The following CSNK2A1 variants were observed in gnomAD, a reference collection of about 807,000 sequenced individuals.
The protein encoded by CSNK2A1 is casein kinase II subunit alpha.
A neutral mutation model predicts 62.9 loss-of-function variants in CSNK2A1; 10 were observed. The ratio of observed to expected loss-of-function variants is 0.16; its 90% CI spans 0.10 to 0.27. The LOEUF is 0.27. Among genes scored for constraint, CSNK2A1 ranks in the 10% least tolerant of loss-of-function variants. The pLI is 1.00. For missense variants in CSNK2A1, 160 were observed against 492.0 expected, an observed-to-expected ratio of 0.33 and a Z score of 6.38; for synonymous variants, 124 against 167.8, an observed-to-expected ratio of 0.74 and a Z score of 2.02.
rs1381669139 is a variant in CSNK2A1, at chr20:480,491, G to GC, written c.*3469dup. 6.6e-6 allele frequency: 1 copy of GC among 151,918 alleles called. No homozygotes were observed. Among genetic ancestry groups the GC allele is most frequent in the Non-Finnish European group, 1.5e-5 (1 of 67,994 alleles). 9.4% of individuals were successfully genotyped at this position (151,918 alleles called of 1,614,324 possible). ...TGCAAGGTCACCAGGGAGTTTACAT[G>GC]CAAGTGGGGAGATACAAAATAATAC... On this transcript the variant is annotated 3_prime_UTR_variant, in exon 14 of 14. Transcript: ENST00000217244.
In CSNK2A1 at chr20:541,326, G is replaced by A. The variant is rs550654387; in HGVS notation, c.-227+2346C>T. 5.3e-5 allele frequency among the ~76,000 whole-genome samples: 8 copies of A among 152,166 alleles called. No individual in the cohort carries two copies. The South Asian group carries it at 1.7e-3, about 32-fold the overall frequency. On this transcript the variant is annotated intron_variant, in intron 1 of 13. Transcript: ENST00000217244. Reference sequence around the variant, plus strand: ...TAACACAGGATAGCTACAGATTCTGGGGATCAAGGTATGGCACCTTGGGAA... The same window carrying A: ...TAACACAGGATAGCTACAGATTCTGAGGATCAAGGTATGGCACCTTGGGAA...
At chr20:503,550 A>T in intron 4 of CSNK2A1, 1 of 398,638 alleles carries the variant, frequency 2.5e-6, no homozygotes. Flanking sequence ...TCTGCCAGAC[A>T]CTGGGTGCAC....
intron 1 of CSNK2A1, among the ~76,000 whole-genome samples, chr20:543,470 G>A (rs1413938729): frequency 1.3e-5 from 2 of 152,052 alleles, no homozygotes; most frequent in South Asian, 2.1e-4. Flanking sequence ...CCCAAACCTC[G>A]CCCTCCGCCC....
chr20:494,430 T>C (rs1277628440), intron 8 of CSNK2A1: 4 of 152,238 alleles, frequency 2.6e-5, no homozygotes, highest in African/African-American at 9.6e-5. Flanking sequence ...CAGGATTGTA[T>C]GGTAAGCATA....
intron 6 of CSNK2A1, chr20:498,788 G>A (rs1435706102): frequency 6.6e-6 from 1 of 152,280 alleles, no homozygotes; most frequent in African/African-American, 2.4e-5. Flanking sequence ...TCTTATAGAG[G>A]TTTGTGTTAT....
At chr20:535,534 T>C (rs2019300702) in intron 1 of CSNK2A1, among the ~76,000 whole-genome samples, 1 of 151,982 alleles carries the variant, frequency 6.6e-6, no homozygotes. Context: ...GGCGGGTGGA[T>C]CACCTGAGGT....
intron 2 of CSNK2A1, among the ~76,000 whole-genome samples, chr20:519,021 T>C (rs2018889403): frequency 6.6e-6 from 1 of 150,670 alleles, no homozygotes; most frequent in African/African-American, 2.4e-5. Context: ...TTGCAACCTC[T>C]GCCTCCCAGG....
intron 9 of CSNK2A1, among the ~76,000 whole-genome samples, chr20:491,538 G>C (rs745325976): frequency 2.0e-5 from 3 of 152,128 alleles, no homozygotes; most frequent in Non-Finnish European, 4.4e-5. Flanking sequence ...GGGTGTGGTA[G>C]TGCACGCCTG....
Position 532,865 on chromosome 20 carries a change from A to T in CSNK2A1, c.-226-4816T>A, listed in dbSNP as rs1344953163. On this transcript the variant is annotated intron_variant, in intron 1 of 13. Transcript: ENST00000217244. ...CATCTATTTGGAGGTCACTGACACA[A>T]AAAAACAAAAACAACAAAGACAAAA... Among the ~76,000 whole-genome samples, 2 of 152,218 alleles carry T rather than the reference A, an allele frequency of 1.3e-5. 1 individual carries two copies. The highest frequency in any genetic ancestry group is 4.1e-4 in the South Asian group (2 of 4,830).
rs1196293559 is a variant in CSNK2A1, at chr20:473,727, C to T, written c.*10234G>A. The T allele has an allele frequency of 1.3e-5, 2 of 152,264 alleles. No individual in the cohort carries two copies. The highest frequency in any genetic ancestry group is 4.8e-5 in the African/African-American group (2 of 41,448). The allele number at this position is 152,264 out of a possible 1,614,324, so 9.4% of individuals were successfully genotyped here. On this transcript the variant is annotated 3_prime_UTR_variant, in exon 14 of 14. Coordinates refer to ENST00000217244, the MANE Select transcript of CSNK2A1 (RefSeq NM_177559.3). ...CAGTCTCCATGACCCAGTCCCTCAC[C>T]AGTGTCCACTTGTGTTTACCAGGTA... is the stretch of plus-strand genomic sequence containing the variant.
At chr20:533,066 T>C (rs2019246517) in intron 1 of CSNK2A1, among the ~76,000 whole-genome samples, 1 of 152,226 alleles carries the variant, frequency 6.6e-6, no homozygotes, top group Non-Finnish European at 1.5e-5. Context: ...CCTATCATAC[T>C]AATGCCATAT....
At chr20:492,456 G>A (rs1053381350) in intron 8 of CSNK2A1, 92 bp from the exon 9 acceptor site, 29 of 1,261,706 alleles carry the variant, frequency 2.3e-5, no homozygotes, top group African/African-American at 8.9e-5. Flanking sequence ...TACCAGACAC[G>A]TCACTCTTTA....
intron 2 of CSNK2A1, among the ~76,000 whole-genome samples, chr20:521,309 A>T (rs1408295193): frequency 6.6e-6 from 1 of 152,202 alleles, no homozygotes; most frequent in Non-Finnish European, 1.5e-5. Context: ...ATGAAAAGAT[A>T]CACAACACTG....
intron 4 of CSNK2A1, 136 bp downstream of exon 4, chr20:504,982 G>T: frequency 1.4e-6 from 1 of 717,686 alleles, no homozygotes; most frequent in Non-Finnish European, 2.3e-6. Context: ...GTTCTATTGA[G>T]TTCATAGGAT....
intron 10 of CSNK2A1, 90 bp downstream of exon 10, chr20:489,690 C>A: frequency 9.5e-7 from 1 of 1,055,910 alleles, no homozygotes; most frequent in South Asian, 2.3e-5. Flanking sequence ...ATCGGGGTGG[C>A]TGAATAAACA....
intron 8 of CSNK2A1, 21 bp from the exon 9 acceptor site, chr20:492,385 A>C (rs376824398): frequency 6.2e-7 from 1 of 1,612,142 alleles, no homozygotes; most frequent in African/African-American, 1.3e-5. Context: ...ATAAACCATG[A>C]GCAATCTTAT....
At position 492,308 on chromosome 20, in the gene CSNK2A1, A is replaced by G. The variant is rs780238300; in HGVS notation, c.567T>C (p.Asn189=). The G allele has an allele frequency of 1.4e-5, 22 of 1,614,136 alleles. No homozygotes were observed. Among genetic ancestry groups the G allele is most frequent in the Non-Finnish European group, 1.7e-5 (20 of 1,180,018 alleles). ...TGAAGTATCGGGAAGCAACTCGGAC[A>G]TTATATTCTTGGCCAGGATGATAAA... ...AEFYHPGQEY[N]VRVASRYFKG... is the part of the protein sequence containing the mutation. Residue 189 remains asparagine, a synonymous_variant, in exon 9 of 14, where the codon AAT becomes AAC. Transcript: ENST00000217244.
intron 2 of CSNK2A1, among the ~76,000 whole-genome samples, chr20:526,077 AT>A (rs1352649814): frequency 6.6e-6 from 1 of 152,156 alleles, no homozygotes; most frequent in Non-Finnish European, 1.5e-5. Context: ...ATCTCAATAA[AT>A]TTGAAAACAG....
At chr20:534,457 A>G (rs976832304) in intron 1 of CSNK2A1, among the ~76,000 whole-genome samples, 5 of 152,188 alleles carry the variant, frequency 3.3e-5, no homozygotes, top group Admixed American at 6.6e-5. Flanking sequence ...AATGATGGAA[A>G]AGCTTTTCTG....
Sources: allele counts gnomAD v4.1 joint callset (sites outside exome capture counted in the v4.1 genomes callset), GRCh38; gene constraint gnomAD v4.1.1; transcripts MANE v1.5; gene names NCBI Gene and HGNC (gene_info 2026-07-23, HGNC 2026-07-21).